The following SPACA1 variants were observed in gnomAD, a reference collection of about 807,000 sequenced individuals.
SPACA1 encodes the protein sperm acrosome associated 1.
Under a neutral mutation model 32.6 loss-of-function variants are expected in SPACA1, and 17 were observed. The observed-to-expected ratio is 0.52, with a 90% confidence interval of 0.36 to 0.78. The LOEUF (loss-of-function observed/expected upper bound fraction) is 0.78, where lower values mean the gene tolerates loss of function less well. Ranked by LOEUF, SPACA1 falls within the 30% of genes least tolerant of loss-of-function variation. The pLI is 0.01. For synonymous variants in SPACA1, 140 were observed against 138.1 expected (o/e 1.01, Z -0.10); for missense variants, 363 against 373.4 (o/e 0.97, Z 0.23).
In SPACA1 at chr6:88,066,363, G is replaced by A. The variant is rs768406368; in HGVS notation, c.*28G>A. ...TTTGAATGATATATAACAAACCAAA[G>A]GATATTACAGAATATTAGATTCATT... is the stretch of plus-strand genomic sequence containing the variant. On this transcript the variant is annotated 3_prime_UTR_variant, in exon 7 of 7. Coordinates refer to ENST00000237201, the MANE Select transcript of SPACA1 (RefSeq NM_030960.3). The A allele has an allele frequency of 1.0e-5, 16 of 1,554,698 alleles. No individual in the cohort carries two copies. Among genetic ancestry groups the A allele is most frequent in the African/African-American group, 1.4e-5 (1 of 73,004 alleles).
rs751745168 is a variant in SPACA1 at position 88,059,459 on chromosome 6, A to T, written c.481A>T (p.Ile161Phe). The T allele has an allele frequency of 6.2e-7, 1 of 1,608,954 alleles. No homozygotes were observed. The highest frequency in any genetic ancestry group is 8.5e-7 in the Non-Finnish European group (1 of 1,177,972). The change falls in exon 5 of 7, where the codon ATT (isoleucine) becomes TTT (phenylalanine). Residue 161 changes from isoleucine to phenylalanine, a missense_variant. By Grantham distance (21) the Ile-to-Phe change is conservative (BLOSUM62 0). Coordinates refer to ENST00000237201, the MANE Select transcript of SPACA1 (RefSeq NM_030960.3). ...TTTTTTTCTTTTTAAATAGCAATCC[A>T]TTATACTTGTAAATGATTCAGCAAT... ...WKLLRQDQQS[I>F]ILVNDSAILE...
In SPACA1 at chr6:88,047,992, G is replaced by GCC; in HGVS notation, c.87_88insCC (p.Thr30ProfsTer51). 2 of 1,577,498 alleles carry GCC rather than the reference G, an allele frequency of 1.3e-6. No individual in the cohort carries two copies. Among genetic ancestry groups the GCC allele is most frequent in the South Asian group, 2.3e-5 (2 of 85,742 alleles). On this transcript the variant is annotated frameshift_variant, in exon 1 of 7. Coordinates refer to ENST00000237201, the MANE Select transcript of SPACA1 (RefSeq NM_030960.3). LOFTEE classifies it high-confidence loss of function. ...TGGCGGGCCTCCAGTCCGCGCGCGG[G>GCC]ACCAACGTCACCGCTGCCGTCCAGG...
chr6:88,053,097 G>A (rs925977759), intron 1 of SPACA1, among the ~76,000 whole-genome samples: 4 of 152,186 alleles, frequency 2.6e-5, no homozygotes, highest in African/African-American at 9.6e-5. Context: ...TTTTGCAGAA[G>A]GGTTAACTAA....
At chr6:88,052,109 A>G (rs1014565244) in intron 1 of SPACA1, among the ~76,000 whole-genome samples, 3 of 152,226 alleles carry the variant, frequency 2.0e-5, no homozygotes, top group Non-Finnish European at 4.4e-5. Context: ...CCACTGACCC[A>G]CCATTGTAGG....
chr6:88,054,777 T>C (rs1775782113), intron 2 of SPACA1, among the ~76,000 whole-genome samples: 1 of 152,170 alleles, frequency 6.6e-6, no homozygotes, highest in African/African-American at 2.4e-5. Context: ...AAATTACACC[T>C]GAATTGTTTT....
intron 5 of SPACA1, among the ~76,000 whole-genome samples, chr6:88,062,061 A>G (rs1775905913): frequency 6.6e-6 from 1 of 152,186 alleles, no homozygotes; most frequent in Admixed American, 6.5e-5. Flanking sequence ...AAATGCCACC[A>G]CTTGTGTAAA....
chr6:88,057,647 T>A lies in SPACA1; in HGVS notation c.301T>A (p.Cys101Ser), dbSNP rs1775829580. ...TAGAGAAGTTATATTAACAAATGGA[T>A]GCCCTGGTGGTGAATCCAAGTGTGT... Reference protein sequence around the residue: ...GVREVILTNGCPGGESKCVVR... With the variant: ...GVREVILTNGSPGGESKCVVR... Residue 101 changes from cysteine to serine, a missense_variant, in exon 3 of 7, where the codon TGC becomes AGC. Physicochemically the swap from Cys to Ser is moderately radical, Grantham distance 112. Transcript: ENST00000237201. 6.2e-7 allele frequency: 1 copy of A among 1,614,072 alleles called. No homozygotes were observed. Among genetic ancestry groups the A allele is most frequent in the African/African-American group, 1.3e-5 (1 of 75,054 alleles).
At chr6:88,058,859 T>A in intron 4 of SPACA1, 37 bp downstream of exon 4, 1 of 1,400,126 alleles carries the variant, frequency 7.1e-7, no homozygotes, top group Non-Finnish European at 9.9e-7. Context: ...TGCTTTCTAG[T>A]GAGTGATAAA....
Position 88,066,364 on chromosome 6 carries a change from G to A in SPACA1, c.*29G>A, listed in dbSNP as rs866783133. 6.4e-7 allele frequency: 1 copy of A among 1,555,618 alleles called. No individual in the cohort carries two copies. Among genetic ancestry groups the A allele is most frequent in the Non-Finnish European group, 8.7e-7 (1 of 1,147,234 alleles). ...TTGAATGATATATAACAAACCAAAGGATATTACAGAATATTAGATTCATTA... is the reference window on the plus strand; with the variant it reads ...TTGAATGATATATAACAAACCAAAGAATATTACAGAATATTAGATTCATTA... On this transcript the variant is annotated 3_prime_UTR_variant, in exon 7 of 7. Transcript: ENST00000237201.
chr6:88,052,636 A>C (rs1775745765), intron 1 of SPACA1, among the ~76,000 whole-genome samples: 1 of 152,166 alleles, frequency 6.6e-6, no homozygotes, highest in Non-Finnish European at 1.5e-5. Flanking sequence ...CAGGAGTTTG[A>C]GACCAGCCTG....
chr6:88,058,677 T>C (rs779037126), intron 3 of SPACA1, 39 bp from the exon 4 acceptor site: 3 of 1,426,060 alleles, frequency 2.1e-6, no homozygotes, highest in African/African-American at 1.4e-5. Flanking sequence ...AAGCAATTTA[T>C]AATGCCCAAT....
upstream of SPACA1, chr6:88,047,811 GGC>G: frequency 8.2e-7 from 1 of 1,220,938 alleles, no homozygotes; most frequent in Non-Finnish European, 1.1e-6. Flanking sequence ...GGAGCCGGGC[GGC>G]TACGGGCGGG....
In SPACA1 at chr6:88,057,742, C is replaced by T. The variant is rs201142491; in HGVS notation, c.367+29C>T. 1.5e-5 allele frequency: 24 copies of T among 1,585,184 alleles called. No individual in the cohort carries two copies. The East Asian group carries it at 5.4e-4, about 35-fold the overall frequency. On this transcript the variant is annotated intron_variant, in intron 3 of 6. Transcript: ENST00000237201. ...AGTTGAATTATGTATTGGAGGGAGACTGTGGGCAAGAGTTTACTCTGGGGA... is the reference window on the plus strand; with the variant it reads ...AGTTGAATTATGTATTGGAGGGAGATTGTGGGCAAGAGTTTACTCTGGGGA...
At chr6:88,064,384 C>T (rs1043638062) in intron 6 of SPACA1, 165 bp downstream of exon 6, 1 of 543,108 alleles carries the variant, frequency 1.8e-6, no homozygotes, top group Admixed American at 3.3e-5. Flanking sequence ...CAGGCTGCCC[C>T]GTCTCTTTAT....
intron 6 of SPACA1, among the ~76,000 whole-genome samples, 184 bp from the exon 7 acceptor site, chr6:88,065,998 G>A (rs1304253301): frequency 1.3e-5 from 2 of 151,584 alleles, no homozygotes; most frequent in East Asian, 3.9e-4. Context: ...GTACAAATAT[G>A]TATACAGGTT....
chr6:88,057,061 T>C (rs1775820613), intron 2 of SPACA1, among the ~76,000 whole-genome samples: 1 of 152,172 alleles, frequency 6.6e-6, no homozygotes, highest in Non-Finnish European at 1.5e-5. Context: ...AGTTCCATGG[T>C]CAAATAAGTT....
At chr6:88,059,322 A>G (rs957499406) in intron 4 of SPACA1, 131 bp from the exon 5 acceptor site, 5 of 781,058 alleles carry the variant, frequency 6.4e-6, no homozygotes, top group Non-Finnish European at 9.7e-6. Context: ...CTGAAAATCC[A>G]TGTAGATCAT....
intron 1 of SPACA1, among the ~76,000 whole-genome samples, chr6:88,052,818 C>A (rs1284946555): frequency 6.6e-6 from 1 of 152,096 alleles, no homozygotes; most frequent in Admixed American, 6.6e-5. Context: ...GCCTGGGCAA[C>A]AGAGCAAGAC....
chr6:88,052,184 A>C (rs1032804192), intron 1 of SPACA1, among the ~76,000 whole-genome samples: 2 of 152,236 alleles, frequency 1.3e-5, no homozygotes, highest in East Asian at 3.8e-4. Flanking sequence ...TAGAATATTA[A>C]AGCTGAAAGG....
Sources: allele counts gnomAD v4.1 joint callset (sites outside exome capture counted in the v4.1 genomes callset), GRCh38; gene constraint gnomAD v4.1.1; transcripts MANE v1.5; gene names NCBI Gene and HGNC (gene_info 2026-07-23, HGNC 2026-07-21).